The following FGF14 variants were observed in gnomAD, a reference collection of about 807,000 sequenced individuals.
FGF14 encodes the protein fibroblast growth factor 14.
FGF14 carries 5 observed loss-of-function variants against 25.5 expected under a neutral mutation model. The observed-to-expected ratio is 0.20, with a 90% CI of 0.10 to 0.41. The LOEUF (loss-of-function observed/expected upper bound fraction) is 0.41. Ranked by LOEUF, FGF14 falls within the 10% of genes least tolerant of loss-of-function variation. FGF14 has a pLI of 1.00. For missense variants in FGF14, 222 were observed against 320.1 expected (o/e 0.69, Z 2.34); for synonymous variants, 138 against 118.3 (o/e 1.17, Z -1.08).
At chr13:101,895,392 GAAAT>G (rs1261570586) in intron 1 of FGF14, among the ~76,000 whole-genome samples, 7 of 152,052 alleles carry the variant, frequency 4.6e-5, no homozygotes, top group African/African-American at 1.7e-4. Flanking sequence ...AAAGCATAAA[GAAAT>G]ACTTTATGTA....
intron 3 of FGF14, among the ~76,000 whole-genome samples, chr13:101,789,867 CTCT>C (rs1424976670): frequency 1.3e-5 from 2 of 151,334 alleles, no homozygotes; most frequent in South Asian, 2.1e-4. Flanking sequence ...TCAGAATCTC[CTCT>C]TAATATTTAA....
At chr13:101,978,043 C>T (rs2038033292) in intron 1 of FGF14, among the ~76,000 whole-genome samples, 2 of 152,048 alleles carry the variant, frequency 1.3e-5, no homozygotes, top group Non-Finnish European at 2.9e-5. Context: ...CCAGCTTCTG[C>T]AATAATTGGT....
At chr13:101,778,284 G>A (rs948106199) in intron 3 of FGF14, among the ~76,000 whole-genome samples, 7 of 152,046 alleles carry the variant, frequency 4.6e-5, no homozygotes, top group South Asian at 2.1e-4. Context: ...AAAGATGCCC[G>A]TTGCCATCGC....
intron 1 of FGF14, among the ~76,000 whole-genome samples, chr13:102,284,709 A>G (rs2141231535): frequency 6.6e-6 from 1 of 152,234 alleles, no homozygotes; most frequent in South Asian, 2.1e-4. Context: ...ACACAAAACT[A>G]AAGCATTCCA....
At chr13:102,300,913 G>A (rs1336662) in intron 1 of FGF14, among the ~76,000 whole-genome samples, 40,606 of 139,658 alleles carry the variant, frequency 0.29, 5,710 homozygotes, top group Admixed American at 0.41. Flanking sequence ...TTACCAATAT[G>A]CACACAGACA....
intron 1 of FGF14, among the ~76,000 whole-genome samples, chr13:102,137,832 T>C (rs2046477725): frequency 6.6e-6 from 1 of 151,392 alleles, no homozygotes; most frequent in Admixed American, 6.6e-5. Context: ...CTGAAAAGAA[T>C]GATGGTCTCA....
chr13:102,042,475 C>A (rs1178656915), intron 1 of FGF14, among the ~76,000 whole-genome samples: 1 of 152,152 alleles, frequency 6.6e-6, no homozygotes, highest in Non-Finnish European at 1.5e-5. Context: ...AGTACTTCCA[C>A]CTGTTGGAAT....
chr13:101,818,312 C>T (rs2041941444), intron 3 of FGF14, among the ~76,000 whole-genome samples: 1 of 152,132 alleles, frequency 6.6e-6, no homozygotes, highest in Non-Finnish European at 1.5e-5. Flanking sequence ...CATTATCAAC[C>T]ATACTATACA....
chr13:102,057,931 A>C (rs550770766), intron 1 of FGF14, among the ~76,000 whole-genome samples: 1 of 152,302 alleles, frequency 6.6e-6, no homozygotes, highest in Non-Finnish European at 1.5e-5. Flanking sequence ...CTTTGTTGTT[A>C]ATTTGTGGAA....
At chr13:102,176,461 T>C (rs2048454718) in intron 1 of FGF14, among the ~76,000 whole-genome samples, 1 of 152,116 alleles carries the variant, frequency 6.6e-6, no homozygotes, top group Non-Finnish European at 1.5e-5. Flanking sequence ...AAATTGCCTA[T>C]TGGTTACAAT....
intron 1 of FGF14, among the ~76,000 whole-genome samples, chr13:102,396,063 A>G (rs967693447): frequency 6.6e-6 from 1 of 152,216 alleles, no homozygotes; most frequent in African/African-American, 2.4e-5. Context: ...TCTCCCTCAG[A>G]AAACTCCATG....
intron 1 of FGF14, among the ~76,000 whole-genome samples, chr13:102,309,167 C>CACACACACACACACACACAT (rs549521419): frequency 6.6e-6 from 1 of 151,532 alleles, no homozygotes; most frequent in East Asian, 1.9e-4. Context: ...CACACACACA[C>CACACACACACACACACACAT]ATCTCGCACA....
intron 1 of FGF14, among the ~76,000 whole-genome samples, chr13:102,058,908 C>T (rs144955627): frequency 6.7e-6 from 1 of 148,546 alleles, no homozygotes; most frequent in Admixed American, 6.7e-5. Context: ...CTCATGATAT[C>T]GAATTGCTCA....
At chr13:101,857,595 C>T (rs940803042) in intron 3 of FGF14, among the ~76,000 whole-genome samples, 2 of 151,982 alleles carry the variant, frequency 1.3e-5, no homozygotes, top group African/African-American at 2.4e-5. Flanking sequence ...CCCTAAATAG[C>T]ACAGAGCACA....
At chr13:102,352,873 A>G (rs1234639151) in intron 1 of FGF14, among the ~76,000 whole-genome samples, 1 of 151,702 alleles carries the variant, frequency 6.6e-6, no homozygotes, top group Non-Finnish European at 1.5e-5. Flanking sequence ...TGTCTTTAGG[A>G]GAGAAAAGTT....
At chr13:101,852,270 A>G (rs2043890620) in intron 3 of FGF14, among the ~76,000 whole-genome samples, 1 of 152,100 alleles carries the variant, frequency 6.6e-6, no homozygotes, top group Non-Finnish European at 1.5e-5. Context: ...ATGTACTTCA[A>G]CTTTATTCAT....
At chr13:101,863,860 G>T (rs1280437908) in intron 3 of FGF14, among the ~76,000 whole-genome samples, 5 of 152,238 alleles carry the variant, frequency 3.3e-5, no homozygotes, top group Middle Eastern at 3.4e-3. Flanking sequence ...GAGGTGGGTT[G>T]CTCGGATGCT....
At chr13:102,082,725 C>T (rs1044907597) in intron 1 of FGF14, among the ~76,000 whole-genome samples, 1 of 151,980 alleles carries the variant, frequency 6.6e-6, no homozygotes, top group African/African-American at 2.4e-5. Context: ...GAGGCCGAGG[C>T]GGGCGGATCA....
chr13:101,938,284 CA>C (rs149967233), intron 1 of FGF14, among the ~76,000 whole-genome samples: 2 of 152,026 alleles, frequency 1.3e-5, no homozygotes, highest in African/African-American at 4.8e-5. Flanking sequence ...ACAACAACAA[CA>C]AAAAAAATCC....
Sources: allele counts gnomAD v4.1 joint callset (sites outside exome capture counted in the v4.1 genomes callset), GRCh38; gene constraint gnomAD v4.1.1; transcripts MANE v1.5; gene names NCBI Gene and HGNC (gene_info 2026-07-23, HGNC 2026-07-21).